HDAC1: variants seen among roughly 807,000 people sequenced by gnomAD.
HDAC1 encodes histone deacetylase 1, also known as protein deacetylase HDAC1.
Under a neutral mutation model 65.5 loss-of-function variants are expected in HDAC1, and 18 were observed. The observed-to-expected ratio is 0.27, with a 90% CI of 0.19 to 0.41. The LOEUF (loss-of-function observed/expected upper bound fraction) is 0.41. HDAC1 is among the 10% of genes least tolerant of loss of function. The pLI is 1.00. For synonymous variants in HDAC1, 211 were observed against 227.9 expected, an observed-to-expected ratio of 0.93 and a Z score of 0.67; for missense variants, 373 against 625.2, an observed-to-expected ratio of 0.60 and a Z score of 4.30.
At chr1:32,326,208 T>A (rs1039769553) in intron 4 of HDAC1, among the ~76,000 whole-genome samples, 2 of 151,596 alleles carry the variant, frequency 1.3e-5, no homozygotes, top group African/African-American at 4.8e-5. Flanking sequence ...TCACCCAGGC[T>A]GGAGTGCAGT....
chr1:32,293,275 C>G (rs973132639), intron 1 of HDAC1, among the ~76,000 whole-genome samples: 2 of 148,214 alleles, frequency 1.3e-5, no homozygotes, highest in African/African-American at 5.0e-5. Flanking sequence ...GAGCTGAGAT[C>G]GTGCCACTGC....
At chr1:32,322,901 G>A (rs1357748735) in intron 3 of HDAC1, among the ~76,000 whole-genome samples, 1 of 152,168 alleles carries the variant, frequency 6.6e-6, no homozygotes, top group Non-Finnish European at 1.5e-5. Flanking sequence ...GCACAGTGGG[G>A]TTGATATCTG....
chr1:32,322,329 T>C (rs10465521), intron 3 of HDAC1, among the ~76,000 whole-genome samples: 6,079 of 152,008 alleles, frequency 0.04, 384 homozygotes, highest in African/African-American at 0.14. Context: ...CAGGCTGGAA[T>C]GCAGGGGTGC....
chr1:32,320,064 CA>C, intron 3 of HDAC1, among the ~76,000 whole-genome samples: 1 of 151,938 alleles, frequency 6.6e-6, no homozygotes, highest in Middle Eastern at 3.4e-3. Flanking sequence ...TAAAAATTTA[CA>C]AAAAATTAGC....
At position 32,331,985 on chromosome 1, in the gene HDAC1, T is replaced by TC; in HGVS notation, c.1220-102dup. 2 of 1,419,098 alleles carry TC rather than the reference T, an allele frequency of 1.4e-6. No homozygotes were observed. Among genetic ancestry groups the TC allele is most frequent in the Non-Finnish European group, 9.4e-7 (1 of 1,063,888 alleles). 87.9% of individuals were successfully genotyped at this position (1,419,098 alleles called of 1,614,324 possible). A position where few individuals can be genotyped will look rare whatever the true frequency, so the allele number is the denominator to read the frequency against. Reference sequence around the variant, plus strand: ...AGTTCCTCCCTCTTCTGGTTCCCTTTCCCTTGGTGTCTCTTGGAGGACACG... The same window carrying TC: ...AGTTCCTCCCTCTTCTGGTTCCCTTTCCCCTTGGTGTCTCTTGGAGGACACG... On this transcript the variant is annotated intron_variant, in intron 11 of 13. Coordinates refer to ENST00000373548, the MANE Select transcript of HDAC1 (RefSeq NM_004964.3). This position sits in a 1 kb window ranked among gnomAD's most constrained non-coding sequence, Gnocchi z 4.2.
rs765581232 is a variant in HDAC1 at position 32,327,504 on chromosome 1, C to T, written c.495-32C>T. The stretch of plus-strand genomic sequence containing the variant: ...CTTGGCACGTCCCATCCCCAAAGAG[C>T]CCCCAGACCCCTGACCCCCTTCTGA... On this transcript the variant is annotated intron_variant, in intron 5 of 13. Transcript: ENST00000373548. The surrounding 1 kb of genome is among the most constrained non-coding windows in gnomAD (Gnocchi z 6.0). The T allele has an allele frequency of 3.2e-6, 5 of 1,579,488 alleles. No homozygotes were observed. Among genetic ancestry groups the T allele is most frequent in the Non-Finnish European group, 3.5e-6 (4 of 1,151,538 alleles).
At chr1:32,303,510 G>C (rs1397958425) in intron 2 of HDAC1, among the ~76,000 whole-genome samples, 1 of 152,086 alleles carries the variant, frequency 6.6e-6, no homozygotes, top group Non-Finnish European at 1.5e-5. Context: ...AAATAAGAGT[G>C]ATTGGGACCA....
At chr1:32,314,416 C>T (rs1008366103) in intron 2 of HDAC1, among the ~76,000 whole-genome samples, 1 of 152,046 alleles carries the variant, frequency 6.6e-6, no homozygotes, top group Non-Finnish European at 1.5e-5. Flanking sequence ...TGGTCTCAAA[C>T]TCCTGGGTTC....
intron 3 of HDAC1, among the ~76,000 whole-genome samples, chr1:32,321,187 C>T (rs529870925): frequency 7.3e-5 from 11 of 150,348 alleles, no homozygotes; most frequent in South Asian, 4.2e-4. Flanking sequence ...GCTGACATTG[C>T]GCCACTGCAC....
intron 3 of HDAC1, among the ~76,000 whole-genome samples, chr1:32,323,066 GC>G (rs969475418): frequency 1.2e-4 from 18 of 152,284 alleles, no homozygotes; most frequent in African/African-American, 4.1e-4. Context: ...ACTTTGGGAG[GC>G]CGAGGCGGGC....
intron 1 of HDAC1, among the ~76,000 whole-genome samples, chr1:32,294,762 C>T (rs1250577686): frequency 1.3e-5 from 2 of 151,868 alleles, no homozygotes; most frequent in Admixed American, 1.3e-4. Flanking sequence ...GATCCGCCCG[C>T]CTCGGCCTCC....
At position 32,313,997 on chromosome 1, in the gene HDAC1, C is replaced by T. The variant is rs189386724; in HGVS notation, c.163-2668C>T. Among the ~76,000 whole-genome samples the T allele has an allele frequency of 1.1e-4, 17 of 152,310 alleles. No individual in the cohort carries two copies. The East Asian group carries it at 3.3e-3, about 29-fold the overall frequency. On this transcript the variant is annotated intron_variant, in intron 2 of 13. Transcript: ENST00000373548. ...ATTCATAAAGTAGACAATAATCATA[C>T]AGATGCACAACAATAAAAGATGTGA... is the stretch of plus-strand genomic sequence containing the variant.
At position 32,329,703 on chromosome 1, in the gene HDAC1, T is replaced by G. The variant is rs1292502437; in HGVS notation, c.729+543T>G. 6.3e-6 allele frequency: 1 copy of G among 157,994 alleles called. No homozygotes were observed. The highest frequency in any genetic ancestry group is 1.4e-5 in the Non-Finnish European group (1 of 71,266). The allele number at this position is 157,994 out of a possible 1,614,324, so 9.8% of individuals were successfully genotyped here. A position where few individuals can be genotyped will look rare whatever the true frequency, so the allele number is the denominator to read the frequency against. On this transcript the variant is annotated intron_variant, in intron 7 of 13. Transcript: ENST00000373548. This position sits in a 1 kb window ranked among gnomAD's most constrained non-coding sequence, Gnocchi z 4.1. ...CATGGGTAGGCTGGCCTAGTGCCTG[T>G]GTTTTTGAGGGATGATCAGAGGAAT...
chr1:32,309,758 A>G (rs1465375953), intron 2 of HDAC1, among the ~76,000 whole-genome samples: 1 of 151,196 alleles, frequency 6.6e-6, no homozygotes, highest in South Asian at 2.1e-4. Context: ...AGGTGAGATT[A>G]TAATGCACTA....
Position 32,330,880 on chromosome 1 carries a change from T to G in HDAC1, c.951T>G (p.Ala317=). 6.2e-7 allele frequency: 1 copy of G among 1,614,170 alleles called. No homozygotes were observed. Among genetic ancestry groups the G allele is most frequent in the Non-Finnish European group, 8.5e-7 (1 of 1,180,018 alleles). Residue 317 remains alanine, a synonymous_variant, in exon 9 of 14, where the codon GCT becomes GCG. Transcript: ENST00000373548. The surrounding 1 kb of genome is among the most constrained non-coding windows in gnomAD (Gnocchi z 4.2). Reference sequence around the variant, plus strand: ...CCCGGTGCTGGACATATGAGACAGCTGTGGCCCTGGATACGGAGATCCCTA... The same window carrying G: ...CCCGGTGCTGGACATATGAGACAGCGGTGGCCCTGGATACGGAGATCCCTA... ...NVARCWTYET[A]VALDTEIPNE... is the part of the protein sequence containing the mutation.
chr1:32,323,311 A>AG (rs140523597), intron 3 of HDAC1, among the ~76,000 whole-genome samples: 3,898 of 152,214 alleles, frequency 0.026, 75 homozygotes, highest in Non-Finnish European at 0.042. Flanking sequence ...CAAAAAAAAA[A>AG]CAGACAAACC....
At chr1:32,316,499 C>T (rs868188751) in intron 2 of HDAC1, among the ~76,000 whole-genome samples, 166 bp from the exon 3 acceptor site, 6 of 152,302 alleles carry the variant, frequency 3.9e-5, no homozygotes, top group Middle Eastern at 6.8e-3. Context: ...TCTTGTTTGC[C>T]TAGTTAGATT....
chr1:32,302,804 C>A, intron 2 of HDAC1, 71 bp downstream of exon 2: 1 of 765,656 alleles, frequency 1.3e-6, no homozygotes, highest in South Asian at 1.4e-5. Flanking sequence ...TTCATTATCT[C>A]ATTTTCTCCA....
Position 32,331,367 on chromosome 1 carries a change from G to A in HDAC1, c.980-107G>A, listed in dbSNP as rs943247707. Reference sequence around the variant, plus strand: ...TCTTGGAGGCATTCTCCTCTGTTTGGATAAATAGGCCCAGAGAAACCTACA... The same window carrying A: ...TCTTGGAGGCATTCTCCTCTGTTTGAATAAATAGGCCCAGAGAAACCTACA... On this transcript the variant is annotated intron_variant, in intron 9 of 13. Transcript: ENST00000373548. The surrounding 1 kb of genome is among the most constrained non-coding windows in gnomAD (Gnocchi z 4.2). 1 of 691,474 alleles carries A rather than the reference G, an allele frequency of 1.4e-6. No individual in the cohort carries two copies. 42.8% of individuals were successfully genotyped at this position (691,474 alleles called of 1,614,324 possible).
Sources: allele counts gnomAD v4.1 joint callset (sites outside exome capture counted in the v4.1 genomes callset), GRCh38; gene constraint gnomAD v4.1.1; non-coding constraint Gnocchi (gnomAD v3.1); transcripts MANE v1.5; gene names NCBI Gene and HGNC (gene_info 2026-07-23, HGNC 2026-07-21).